RIMBP2: variants seen among roughly 807,000 people sequenced by gnomAD.
The protein encoded by RIMBP2 is RIMS-binding protein 2.
In RIMBP2, 48 loss-of-function variants were observed where a neutral mutation model predicts 118.6. The observed-to-expected ratio is 0.40, with a 90% confidence interval of 0.32 to 0.51. RIMBP2 has a LOEUF of 0.51. Among genes scored for constraint, RIMBP2 ranks in the 20% least tolerant of loss-of-function variants. The pLI is 0.41. For synonymous variants in RIMBP2, 762 were observed against 742.9 expected, an observed-to-expected ratio of 1.03 and a Z score of -0.42; for missense variants, 1,551 against 1,768.3, an observed-to-expected ratio of 0.88 and a Z score of 2.20.
At chr12:130,494,974 G>A (rs11612637) in intron 4 of RIMBP2, among the ~76,000 whole-genome samples, 6,150 of 152,300 alleles carry the variant, frequency 0.04, 192 homozygotes, top group South Asian at 0.15. Flanking sequence ...TCCAGCTGCT[G>A]GCGTGGCCAC....
rs550207698 is a variant in RIMBP2, at chr12:130,649,289, G to A, written c.-351-20833C>T. On this transcript the variant is annotated intron_variant, in intron 1 of 22. Coordinates refer to ENST00000690449, the MANE Select transcript of RIMBP2 (RefSeq NM_001393629.1). ...GACGTACGTTTCTCTCCTCCTCAGC[G>A]GAGAGATGAGTGCTCCCGGCCGGAG... is the stretch of plus-strand genomic sequence containing the variant. Among the ~76,000 whole-genome samples, 24 of 109,648 alleles carry A rather than the reference G, an allele frequency of 2.2e-4. 2 individuals are homozygous for A. Among genetic ancestry groups the A allele is most frequent in the South Asian group, 4.7e-4 (2 of 4,288 alleles). The allele number at this position is 109,648 out of a possible 152,430, so 71.9% of individuals were successfully genotyped here.
At chr12:130,487,790 G>A (rs542006951) in intron 4 of RIMBP2, among the ~76,000 whole-genome samples, 1 of 152,086 alleles carries the variant, frequency 6.6e-6, no homozygotes, top group Non-Finnish European at 1.5e-5. Flanking sequence ...TGCACCCCCG[G>A]CCCAGAACAG....
intron 2 of RIMBP2, among the ~76,000 whole-genome samples, chr12:130,555,966 G>A (rs539904727): frequency 2.0e-5 from 3 of 152,272 alleles, no homozygotes; most frequent in Admixed American, 6.5e-5. Flanking sequence ...GGCAGCACCC[G>A]ACAGGAACAT....
chr12:130,691,237 C>A (rs536488633), intron 1 of RIMBP2, among the ~76,000 whole-genome samples: 20 of 152,294 alleles, frequency 1.3e-4, no homozygotes, highest in South Asian at 6.2e-4. Flanking sequence ...ACACCTGCAA[C>A]GCTGACCACA....
chr12:130,631,090 A>G (rs2061968098), intron 1 of RIMBP2, among the ~76,000 whole-genome samples: 1 of 152,246 alleles, frequency 6.6e-6, no homozygotes, highest in Non-Finnish European at 1.5e-5. Flanking sequence ...ACAAGATTAC[A>G]AAGAGCTTTA....
chr12:130,597,944 A>C (rs896336873), intron 2 of RIMBP2, among the ~76,000 whole-genome samples: 9 of 152,228 alleles, frequency 5.9e-5, no homozygotes, highest in Admixed American at 4.6e-4. Flanking sequence ...AGAAGGAGGA[A>C]AATGGTCTTT....
At chr12:130,480,027 T>C (rs2081824699) in intron 4 of RIMBP2, among the ~76,000 whole-genome samples, 1 of 151,720 alleles carries the variant, frequency 6.6e-6, no homozygotes, top group African/African-American at 2.4e-5. Flanking sequence ...CCTGGCAGCC[T>C]GCAGGAGGAA....
At chr12:130,682,203 C>T (rs534091495) in intron 1 of RIMBP2, among the ~76,000 whole-genome samples, 6 of 152,296 alleles carry the variant, frequency 3.9e-5, no homozygotes, top group Admixed American at 1.3e-4. Context: ...GCCTCGTCCG[C>T]CCTCCCTTCC....
At chr12:130,647,255 C>A (rs1457576555) in intron 1 of RIMBP2, among the ~76,000 whole-genome samples, 1 of 152,090 alleles carries the variant, frequency 6.6e-6, no homozygotes, top group Non-Finnish European at 1.5e-5. Flanking sequence ...CCTAGCTACT[C>A]GGGACGCTGA....
In RIMBP2 at chr12:130,648,657, TC is replaced by T. The variant is rs1217628059; in HGVS notation, c.-351-20202del. Among the ~76,000 whole-genome samples, 30 of 141,624 alleles carry T rather than the reference TC, an allele frequency of 2.1e-4. 3 individuals are homozygous for T. The highest frequency in any genetic ancestry group is 1.8e-3 in the Admixed American group (25 of 14,148). 92.9% of individuals were successfully genotyped at this position (141,624 alleles called of 152,430 possible). On this transcript the variant is annotated intron_variant, in intron 1 of 22. Coordinates refer to ENST00000690449, the MANE Select transcript of RIMBP2 (RefSeq NM_001393629.1). ...AGTTAAAAACTATCTAAAATTAGTA[TC>T]TTTTTTTTTTTTTTTGAGACGGAGT... is the stretch of plus-strand genomic sequence containing the variant.
intron 2 of RIMBP2, among the ~76,000 whole-genome samples, chr12:130,535,132 C>T (rs1321319214): frequency 1.3e-5 from 2 of 152,134 alleles, no homozygotes; most frequent in Admixed American, 1.3e-4. Context: ...CGGAGTGTTT[C>T]AGCTTCCCCC....
chr12:130,597,088 C>T (rs1480796729), intron 2 of RIMBP2, among the ~76,000 whole-genome samples: 5 of 152,202 alleles, frequency 3.3e-5, no homozygotes. Context: ...CCAATTCATT[C>T]TTTGAGGCTA....
At chr12:130,665,112 G>A (rs1451334187) in intron 1 of RIMBP2, among the ~76,000 whole-genome samples, 1 of 151,722 alleles carries the variant, frequency 6.6e-6, no homozygotes, top group Non-Finnish European at 1.5e-5. Context: ...GCTACGTGAA[G>A]AGGGGGCCCT....
chr12:130,524,186 T>G (rs2052499032), intron 2 of RIMBP2, among the ~76,000 whole-genome samples: 1 of 152,166 alleles, frequency 6.6e-6, no homozygotes, highest in Non-Finnish European at 1.5e-5. Context: ...GACATGGTAA[T>G]TAACCCACCA....
At chr12:130,437,474 G>A (rs1449305290) in intron 12 of RIMBP2, among the ~76,000 whole-genome samples, 183 bp from the exon 13 acceptor site, 1 of 152,184 alleles carries the variant, frequency 6.6e-6, no homozygotes, top group African/African-American at 2.4e-5. Context: ...GGCGGGGCAG[G>A]TTCACAGACC....
intron 2 of RIMBP2, among the ~76,000 whole-genome samples, chr12:130,607,563 C>T (rs1236689514): frequency 6.6e-6 from 1 of 151,958 alleles, no homozygotes; most frequent in Non-Finnish European, 1.5e-5. Flanking sequence ...TTGATCATCT[C>T]CTGTGAGTTT....
At chr12:130,505,282 G>A (rs933057969) in intron 4 of RIMBP2, among the ~76,000 whole-genome samples, 2 of 152,014 alleles carry the variant, frequency 1.3e-5, no homozygotes, top group Non-Finnish European at 2.9e-5. Context: ...TAATCGAGAT[G>A]GCATCATTCT....
intron 4 of RIMBP2, among the ~76,000 whole-genome samples, chr12:130,487,248 G>A (rs1464137735): frequency 1.3e-5 from 2 of 152,240 alleles, no homozygotes; most frequent in Non-Finnish European, 2.9e-5. Flanking sequence ...GGTTTAGGAT[G>A]TGTTCCCTCC....
intron 19 of RIMBP2, 142 bp from the exon 20 acceptor site, chr12:130,407,971 A>T: frequency 8.4e-6 from 6 of 711,628 alleles, no homozygotes; most frequent in Non-Finnish European, 1.5e-5. Context: ...GGGCACTCAC[A>T]TCAGCAAACG....
Sources: gnomAD v4.1 joint callset for allele counts (sites outside exome capture counted in the v4.1 genomes callset) on GRCh38, gnomAD v4.1.1 for gene constraint, MANE v1.5 for transcripts, NCBI Gene and HGNC (gene_info 2026-07-23, HGNC 2026-07-21) for gene names.